Variants in TMTC1 observed in about 807,000 individuals in gnomAD.
TMTC1 encodes the protein transmembrane O-mannosyltransferase targeting cadherins 1.
In TMTC1, 73 loss-of-function variants were observed where a neutral mutation model predicts 104.8. The ratio of observed to expected loss-of-function variants is 0.70; its 90% CI spans 0.58 to 0.85. The LOEUF is 0.85. Among genes scored for constraint, TMTC1 ranks in the 40% least tolerant of loss-of-function variants. The pLI is 0.00. For synonymous variants in TMTC1, 434 were observed against 428.7 expected, an observed-to-expected ratio of 1.01 and a Z score of -0.15; for missense variants, 1,035 against 1,096.1, an observed-to-expected ratio of 0.94 and a Z score of 0.79.
chr12:29,756,720 C>T (rs1321451663), intron 3 of TMTC1, among the ~76,000 whole-genome samples: 1 of 152,162 alleles, frequency 6.6e-6, no homozygotes, highest in Non-Finnish European at 1.5e-5. Context: ...AGGTACCACA[C>T]CTATTGGCTC....
chr12:29,740,098 G>A (rs1251382362), intron 5 of TMTC1, among the ~76,000 whole-genome samples: 1 of 152,086 alleles, frequency 6.6e-6, no homozygotes, highest in African/African-American at 2.4e-5. Flanking sequence ...TTTACTCTAG[G>A]CAGGAATTCC....
chr12:29,632,480 T>C (rs1429381540), intron 6 of TMTC1, among the ~76,000 whole-genome samples: 1 of 152,134 alleles, frequency 6.6e-6, no homozygotes, highest in African/African-American at 2.4e-5. Flanking sequence ...TATAAGGGGC[T>C]TTCCCCTTCC....
At position 29,538,226 on chromosome 12, in the gene TMTC1, C is replaced by T. The variant is rs61923875; in HGVS notation, c.1677-1909G>A. 1.6e-3 allele frequency among the ~76,000 whole-genome samples: 238 copies of T among 152,278 alleles called. 1 individual carries two copies. The highest frequency in any genetic ancestry group is 3.4e-3 in the Middle Eastern group (1 of 294). On this transcript the variant is annotated intron_variant, in intron 10 of 17. Transcript: ENST00000539277. ...ATTTCGTGGACATTTAAAGAGTACC[C>T]ACAAGACTCCATGACTTCCATACAC...
chr12:29,541,310 T>A (rs1377703486), intron 10 of TMTC1, among the ~76,000 whole-genome samples: 1 of 152,194 alleles, frequency 6.6e-6, no homozygotes, highest in Non-Finnish European at 1.5e-5. Context: ...TATATGGTAG[T>A]TAAAAGCACA....
At chr12:29,691,795 G>T (rs1941276904) in intron 5 of TMTC1, among the ~76,000 whole-genome samples, 1 of 143,286 alleles carries the variant, frequency 7.0e-6, no homozygotes, top group Non-Finnish European at 1.5e-5. Context: ...TGAGTGTGCT[G>T]TACAAATAGA....
chr12:29,680,447 G>A (rs1940875713), intron 5 of TMTC1, among the ~76,000 whole-genome samples: 1 of 152,088 alleles, frequency 6.6e-6, no homozygotes, highest in Non-Finnish European at 1.5e-5. Flanking sequence ...CAGAGGGAGA[G>A]TTAGAAAAGA....
chr12:29,504,308 TA>T lies in TMTC1; in HGVS notation c.*2537del, dbSNP rs1156778190. 2 of 151,396 alleles carry T rather than the reference TA, an allele frequency of 1.3e-5. No individual in the cohort carries two copies. Among genetic ancestry groups the T allele is most frequent in the Non-Finnish European group, 1.5e-5 (1 of 67,908 alleles). The allele number at this position is 151,396 out of a possible 1,614,324, so 9.4% of individuals were successfully genotyped here. On this transcript the variant is annotated 3_prime_UTR_variant, in exon 18 of 18. Transcript: ENST00000539277. ...GAACCAGGGCACTCCATTTTTATTA[TA>T]AAGGTAAGTTCCATGTATTATTTCA...
chr12:29,565,213 T>C (rs1018221229), intron 9 of TMTC1, among the ~76,000 whole-genome samples: 8 of 152,296 alleles, frequency 5.3e-5, no homozygotes, highest in African/African-American at 1.4e-4. Flanking sequence ...CAGGGAAGTC[T>C]GTCTTTTTCT....
intron 6 of TMTC1, among the ~76,000 whole-genome samples, chr12:29,624,460 T>C (rs77855060): frequency 0.023 from 3,570 of 152,272 alleles, 133 homozygotes; most frequent in African/African-American, 0.08. Context: ...TCACACACAG[T>C]ATCGCACACA....
At chr12:29,641,625 C>A (rs1938859091) in intron 5 of TMTC1, among the ~76,000 whole-genome samples, 1 of 152,132 alleles carries the variant, frequency 6.6e-6, no homozygotes, top group South Asian at 2.1e-4. Flanking sequence ...TCTGACAGCA[C>A]CTACCCAAAT....
chr12:29,701,146 G>A (rs1181553196), intron 5 of TMTC1, among the ~76,000 whole-genome samples: 7 of 151,556 alleles, frequency 4.6e-5, no homozygotes, highest in East Asian at 3.9e-4. Flanking sequence ...ATGATCAGTC[G>A]TTTGAAACAC....
At chr12:29,609,093 T>A (rs1451360146) in intron 6 of TMTC1, among the ~76,000 whole-genome samples, 1 of 152,224 alleles carries the variant, frequency 6.6e-6, no homozygotes, top group Non-Finnish European at 1.5e-5. Context: ...ATAGGCTTAT[T>A]ATAGTAATTA....
At chr12:29,684,270 T>C (rs1941021018) in intron 5 of TMTC1, among the ~76,000 whole-genome samples, 1 of 152,210 alleles carries the variant, frequency 6.6e-6, no homozygotes, top group Admixed American at 6.5e-5. Context: ...GTTTTATTGA[T>C]AATGACAAGA....
At chr12:29,626,710 A>C (rs1242307892) in intron 6 of TMTC1, among the ~76,000 whole-genome samples, 1 of 152,232 alleles carries the variant, frequency 6.6e-6, no homozygotes, top group Non-Finnish European at 1.5e-5. Flanking sequence ...AACAGTCATA[A>C]ATCTTCATGA....
At chr12:29,665,733 G>A (rs189206875) in intron 5 of TMTC1, among the ~76,000 whole-genome samples, 61 of 152,194 alleles carry the variant, frequency 4.0e-4, no homozygotes, top group Non-Finnish European at 7.5e-4. Context: ...CAGTCTTAGC[G>A]AGAATCCCGC....
intron 12 of TMTC1, 140 bp from the exon 13 acceptor site, chr12:29,518,747 G>C (rs963824302): frequency 3.7e-6 from 4 of 1,071,506 alleles, no homozygotes; most frequent in Non-Finnish European, 5.1e-6. Flanking sequence ...AAATTAGCTT[G>C]CATTTCAGCT....
intron 10 of TMTC1, among the ~76,000 whole-genome samples, chr12:29,547,255 T>A (rs80148349): frequency 6.6e-6 from 1 of 152,264 alleles, no homozygotes; most frequent in Admixed American, 6.5e-5. Flanking sequence ...CCTGGGCAGC[T>A]CTGTCTTCAG....
intron 10 of TMTC1, among the ~76,000 whole-genome samples, chr12:29,538,143 G>T (rs1555166569): frequency 6.6e-6 from 1 of 152,042 alleles, no homozygotes; most frequent in Non-Finnish European, 1.5e-5. Flanking sequence ...CTTTCAAGTT[G>T]CATGGTTATA....
At chr12:29,539,679 C>G (rs6487837) in intron 10 of TMTC1, among the ~76,000 whole-genome samples, 119,805 of 152,234 alleles carry the variant, frequency 0.79, 47,408 homozygotes, top group Middle Eastern at 0.87. Flanking sequence ...CAAATCACTG[C>G]GTGTGCTTTA....
Sources: allele counts gnomAD v4.1 joint callset (sites outside exome capture counted in the v4.1 genomes callset), GRCh38; gene constraint gnomAD v4.1.1; transcripts MANE v1.5; gene names NCBI Gene and HGNC (gene_info 2026-07-23, HGNC 2026-07-21).